RFFL: variants seen among roughly 807,000 people sequenced by gnomAD.
RFFL encodes ring finger and FYVE like domain containing E3 ubiquitin protein ligase.
A neutral mutation model predicts 40.4 loss-of-function variants in RFFL; 16 were observed. The observed-to-expected ratio is 0.40, with a 90% CI of 0.27 to 0.60. The LOEUF is 0.60. Ranked by LOEUF, RFFL falls within the 20% of genes least tolerant of loss-of-function variation. The pLI is 0.47. For synonymous variants in RFFL, 154 were observed against 167.9 expected (o/e 0.92, Z 0.64); for missense variants, 367 against 451.7 (o/e 0.81, Z 1.70).
At chr17:35,023,235 A>AAG (rs2091020526) in intron 2 of RFFL, among the ~76,000 whole-genome samples, 1 of 152,262 alleles carries the variant, frequency 6.6e-6, no homozygotes, top group Admixed American at 6.5e-5. Flanking sequence ...AAGAAAGCTC[A>AAG]AGAGACAAGA....
At chr17:35,084,872 A>G (rs971634220) in intron 1 of RFFL, among the ~76,000 whole-genome samples, 18 of 151,912 alleles carry the variant, frequency 1.2e-4, no homozygotes, top group Non-Finnish European at 2.2e-4. Flanking sequence ...GTGAACCGAG[A>G]TCCCGCCACT....
At chr17:35,038,358 T>C (rs1334401276) in intron 1 of RFFL, among the ~76,000 whole-genome samples, 1 of 151,052 alleles carries the variant, frequency 6.6e-6, no homozygotes, top group Non-Finnish European at 1.5e-5. Context: ...TGTAAATTAC[T>C]CCAATTTGGA....
At position 35,076,679 on chromosome 17, in the gene RFFL, A is replaced by AAATAAAAATAAT. The variant is rs2091378277; in HGVS notation, c.-9+12425_-9+12426insATTATTTTTATT. 4 of 137,198 alleles carry AAATAAAAATAAT rather than the reference A, an allele frequency of 2.9e-5. No homozygotes were observed. The South Asian group carries it at 9.7e-4, about 33-fold the overall frequency. The allele number at this position is 137,198 out of a possible 1,614,324, so 8.5% of individuals were successfully genotyped here. ...GGCAACAAGAACAAAACTCCGTCTC[A>AAATAAAAATAAT]AATAATAATAATAATAATAATAATA... is the stretch of plus-strand genomic sequence containing the variant. On this transcript the variant is annotated intron_variant, in intron 1 of 6. Coordinates refer to the RFFL transcript ENST00000315249.
chr17:35,023,913 AAACCCCAGTTTGCAGTG>A (rs2091025347), intron 2 of RFFL, among the ~76,000 whole-genome samples: 1 of 152,194 alleles, frequency 6.6e-6, no homozygotes, highest in Non-Finnish European at 1.5e-5. Flanking sequence ...CTTGAGGCTA[AAACCCCAGTTTGCAGTG>A]GCAGAAGAAA....
At chr17:35,066,645 C>A (rs1290321061), upstream of RFFL, among the ~76,000 whole-genome samples, 1 of 152,158 alleles carries the variant, frequency 6.6e-6, no homozygotes, top group Non-Finnish European at 1.5e-5. Context: ...CACACTCTTT[C>A]CTCTCAACAT....
At chr17:35,020,629 T>C (rs2091002621) in intron 3 of RFFL, among the ~76,000 whole-genome samples, 1 of 151,978 alleles carries the variant, frequency 6.6e-6, no homozygotes, top group Non-Finnish European at 1.5e-5. Flanking sequence ...TTATGCAACA[T>C]CATCACTTCT....
intron 1 of RFFL, among the ~76,000 whole-genome samples, chr17:35,062,701 C>G (rs1419889537): frequency 6.6e-6 from 1 of 152,076 alleles, no homozygotes; most frequent in African/African-American, 2.4e-5. Flanking sequence ...ATGCTAAGGT[C>G]TGAGGTGAAA....
At chr17:35,061,685 ACT>A (rs1485332084) in intron 1 of RFFL, among the ~76,000 whole-genome samples, 3 of 117,986 alleles carry the variant, frequency 2.5e-5, no homozygotes. Context: ...ATGGTCTCAA[ACT>A]CTTTTTTTTT....
At chr17:35,072,678 C>T (rs1489541832) in intron 1 of RFFL, among the ~76,000 whole-genome samples, 2 of 151,544 alleles carry the variant, frequency 1.3e-5, no homozygotes, top group African/African-American at 2.4e-5. Flanking sequence ...AAACGGGTGA[C>T]GGGTACATGG....
In RFFL at chr17:35,084,785, G is replaced by A. The variant is rs998511081; in HGVS notation, c.-9+4320C>T. On this transcript the variant is annotated intron_variant, in intron 1 of 6. Coordinates refer to the RFFL transcript ENST00000315249. ...GTGGTGGGTGCCTGTAATCCCAGCC[G>A]CTCGGGAGGCTGAGGCAGAAGAATT... Among the ~76,000 whole-genome samples, 455 of 150,756 alleles carry A rather than the reference G, an allele frequency of 3.0e-3. 4 individuals are homozygous for A. Among genetic ancestry groups the A allele is most frequent in the African/African-American group, 0.011 (440 of 40,958 alleles).
At chr17:35,039,759 C>T (rs1418275200) in intron 1 of RFFL, among the ~76,000 whole-genome samples, 1 of 151,688 alleles carries the variant, frequency 6.6e-6, no homozygotes, top group Non-Finnish European at 1.5e-5. Flanking sequence ...TTCACTGCAA[C>T]CTCTGCCTCC....
intron 1 of RFFL, among the ~76,000 whole-genome samples, chr17:35,085,460 G>A (rs192021545): frequency 2.0e-5 from 3 of 152,144 alleles, no homozygotes; most frequent in African/African-American, 7.2e-5. Context: ...ATGGAGTTTC[G>A]CTCTTGTTGC....
intron 1 of RFFL, among the ~76,000 whole-genome samples, chr17:35,041,457 G>A (rs191247073): frequency 4.8e-4 from 73 of 152,096 alleles, no homozygotes; most frequent in Middle Eastern, 6.8e-3. Flanking sequence ...GACTCCTATT[G>A]CATTTTAGAA....
upstream of RFFL, among the ~76,000 whole-genome samples, chr17:35,068,479 T>C (rs988594286): frequency 1.3e-5 from 2 of 152,240 alleles, no homozygotes; most frequent in Non-Finnish European, 1.5e-5. Context: ...TGGCACTGCA[T>C]GAGGCTCAAC....
At chr17:35,035,673 A>T (rs1034782449) in intron 1 of RFFL, among the ~76,000 whole-genome samples, 19 of 148,844 alleles carry the variant, frequency 1.3e-4, no homozygotes, top group Non-Finnish European at 2.2e-4. Flanking sequence ...CTATATATAT[A>T]TTTTACTCCA....
Position 35,076,993 on chromosome 17 carries a change from T to C in RFFL, c.-9+12112A>G, listed in dbSNP as rs1315989281. 9.9e-6 allele frequency: 3 copies of C among 303,596 alleles called. No homozygotes were observed. The South Asian group carries it at 1.1e-4, about 12-fold the overall frequency. 18.8% of individuals were successfully genotyped at this position (303,596 alleles called of 1,614,324 possible). ...ACCCAAGAGGGCAGCTGCTGCAGCA[T>C]CCAGTTCATCTTAAGAATTTCAACA... On this transcript the variant is annotated intron_variant, in intron 1 of 6. Coordinates refer to the RFFL transcript ENST00000315249.
rs1385482625 is a variant in RFFL at position 35,011,649 on chromosome 17, C to T, written c.*319G>A. ...GGTACAGGAGGAGGGGTGAAACTGT[C>T]TAGGTTCAGGGAGGAAGACAGGACC... is the stretch of plus-strand genomic sequence containing the variant. On this transcript the variant is annotated 3_prime_UTR_variant, in exon 7 of 7. Coordinates refer to ENST00000394597, the MANE Select transcript of RFFL (RefSeq NM_001017368.2). 7.1e-6 allele frequency: 2 copies of T among 281,126 alleles called. No homozygotes were observed. The highest frequency in any genetic ancestry group is 4.3e-5 in the African/African-American group (2 of 46,350). 17.4% of individuals were successfully genotyped at this position (281,126 alleles called of 1,614,324 possible).
chr17:35,081,534 A>T (rs1449644287), intron 1 of RFFL, among the ~76,000 whole-genome samples: 1 of 152,186 alleles, frequency 6.6e-6, no homozygotes, highest in Non-Finnish European at 1.5e-5. Flanking sequence ...TCCTCAAGAG[A>T]TGTAGAAAAA....
intron 1 of RFFL, chr17:35,069,268 C>T (rs930924824): frequency 2.2e-6 from 1 of 456,606 alleles, no homozygotes; most frequent in African/African-American, 2.0e-5. Flanking sequence ...CTGGTTTCCA[C>T]TAATAATGCC....
Sources: allele counts gnomAD v4.1 joint callset (sites outside exome capture counted in the v4.1 genomes callset), GRCh38; gene constraint gnomAD v4.1.1; transcripts MANE v1.5; gene names NCBI Gene and HGNC (gene_info 2026-07-23, HGNC 2026-07-21).